The following SIM1 variants were observed in gnomAD, a reference collection of about 807,000 sequenced individuals.
SIM1 encodes SIM bHLH transcription factor 1, also known as single-minded homolog 1.
A neutral mutation model predicts 78.2 loss-of-function variants in SIM1; 18 were observed. The ratio of observed to expected loss-of-function variants is 0.23; its 90% CI spans 0.16 to 0.34. SIM1 has a LOEUF of 0.34. Among genes scored for constraint, SIM1 ranks in the 10% least tolerant of loss-of-function variants. The pLI is 1.00. For synonymous variants in SIM1, 417 were observed against 385.2 expected (o/e 1.08, Z -0.97); for missense variants, 939 against 975.1 (o/e 0.96, Z 0.49).
At chr6:100,412,555 AAAAGAAAGAAAG>A (rs761518217) in intron 10 of SIM1, among the ~76,000 whole-genome samples, 5,897 of 64,406 alleles carry the variant, frequency 0.092, 413 homozygotes, top group Middle Eastern at 0.12. Context: ...AGAAAGAAAG[AAAAGAAAGAAAG>A]AAAGAAAGAA....
At chr6:100,419,065 C>T (rs1455004345) in intron 10 of SIM1, among the ~76,000 whole-genome samples, 2 of 152,008 alleles carry the variant, frequency 1.3e-5, no homozygotes, top group African/African-American at 4.8e-5. Context: ...ACTCAGGAAG[C>T]TAAGGCAGGA....
chr6:100,447,999 T>C, intron 8 of SIM1, 147 bp downstream of exon 8: 1 of 615,440 alleles, frequency 1.6e-6, no homozygotes, highest in South Asian at 2.0e-5. Flanking sequence ...GTCGGAGAAG[T>C]CCCTCAGGAG....
chr6:100,387,144 A>G lies in SIM1; in HGVS notation c.*3217T>C, dbSNP rs2114453166. 6.6e-6 allele frequency: 1 copy of G among 152,240 alleles called. No individual in the cohort carries two copies. Among genetic ancestry groups the G allele is most frequent in the South Asian group, 2.1e-4 (1 of 4,826 alleles). The allele number at this position is 152,240 out of a possible 1,614,324, so 9.4% of individuals were successfully genotyped here. On this transcript the variant is annotated 3_prime_UTR_variant, in exon 12 of 12. Coordinates refer to ENST00000369208, the MANE Select transcript of SIM1 (RefSeq NM_005068.3). ...TCTACAAAACCATGAGCTATGTATC[A>G]TCTAATGAATTGATACATATTATAC...
At chr6:100,412,535 T>C (rs76219934) in intron 10 of SIM1, among the ~76,000 whole-genome samples, 2 of 86,386 alleles carry the variant, frequency 2.3e-5, no homozygotes, top group Non-Finnish European at 4.4e-5. Context: ...AGACTCTGTC[T>C]AAGAAAGAAA....
At chr6:100,422,039 C>T (rs961040183) in intron 9 of SIM1, among the ~76,000 whole-genome samples, 3 of 152,198 alleles carry the variant, frequency 2.0e-5, no homozygotes, top group Non-Finnish European at 2.9e-5. Context: ...ATAATCACTT[C>T]TAGCAAGTGT....
At chr6:100,406,841 G>C (rs1299258795) in intron 10 of SIM1, among the ~76,000 whole-genome samples, 1 of 152,110 alleles carries the variant, frequency 6.6e-6, no homozygotes, top group Non-Finnish European at 1.5e-5. Context: ...CATGTGGTGT[G>C]AAAACTTAAG....
rs1482664260 is a variant in SIM1 at position 100,388,589 on chromosome 6, T to C, written c.*1772A>G. 2.0e-5 allele frequency: 3 copies of C among 152,162 alleles called. No homozygotes were observed. Among genetic ancestry groups the C allele is most frequent in the Admixed American group, 6.5e-5 (1 of 15,276 alleles). 9.4% of individuals were successfully genotyped at this position (152,162 alleles called of 1,614,324 possible). ...ATTATCGTTCAGATTGTCACCTACC[T>C]ATGGACTGTGAAATAACTGTGTTAA... On this transcript the variant is annotated 3_prime_UTR_variant, in exon 12 of 12. Coordinates refer to ENST00000369208, the MANE Select transcript of SIM1 (RefSeq NM_005068.3).
At chr6:100,449,741 G>A in intron 4 of SIM1, 42 bp from the exon 5 acceptor site, 1 of 1,514,246 alleles carries the variant, frequency 6.6e-7, no homozygotes, top group Non-Finnish European at 9.1e-7. Flanking sequence ...GCGGTGGAAT[G>A]CCCGGTGAAG....
intron 10 of SIM1, among the ~76,000 whole-genome samples, chr6:100,412,404 G>C (rs1054138197): frequency 7.9e-5 from 12 of 151,456 alleles, no homozygotes; most frequent in African/African-American, 2.9e-4. Context: ...AGCCGTGGTG[G>C]TGGGCGCCTG....
chr6:100,422,938 G>A (rs1481549237), intron 9 of SIM1, among the ~76,000 whole-genome samples: 2 of 152,170 alleles, frequency 1.3e-5, no homozygotes, highest in Non-Finnish European at 2.9e-5. Flanking sequence ...GGGCAATGAT[G>A]TATATCAGCA....
At chr6:100,430,902 A>G (rs1433388498) in intron 9 of SIM1, among the ~76,000 whole-genome samples, 1 of 152,168 alleles carries the variant, frequency 6.6e-6, no homozygotes, top group Non-Finnish European at 1.5e-5. Context: ...CCAGGAACAA[A>G]AAAAATACCT....
chr6:100,409,968 C>G (rs967855213), intron 10 of SIM1, among the ~76,000 whole-genome samples: 2 of 152,164 alleles, frequency 1.3e-5, no homozygotes, highest in African/African-American at 2.4e-5. Flanking sequence ...GGAAAATGTT[C>G]CGCATGAGCT....
chr6:100,403,927 A>C (rs544538786), intron 10 of SIM1, among the ~76,000 whole-genome samples: 3 of 152,344 alleles, frequency 2.0e-5, no homozygotes, highest in African/African-American at 7.2e-5. Flanking sequence ...ATGATTATGA[A>C]GTTTAAGAGG....
chr6:100,456,789 A>G (rs772409658), intron 2 of SIM1, among the ~76,000 whole-genome samples: 2 of 152,184 alleles, frequency 1.3e-5, no homozygotes, highest in African/African-American at 4.8e-5. Context: ...AAACTCAGGC[A>G]AGTTTCACTG....
At chr6:100,409,512 T>C (rs1250647986) in intron 10 of SIM1, among the ~76,000 whole-genome samples, 1 of 152,128 alleles carries the variant, frequency 6.6e-6, no homozygotes, top group Non-Finnish European at 1.5e-5. Context: ...TTATCTTTTC[T>C]ATTGTTTTCC....
At position 100,388,551 on chromosome 6, in the gene SIM1, A is replaced by T. The variant is rs1176126045; in HGVS notation, c.*1810T>A. The stretch of plus-strand genomic sequence containing the variant: ...TCCTTTCATATACAAACAACCCAGT[A>T]CTCATCTTTCATATTATCGTTCAGA... On this transcript the variant is annotated 3_prime_UTR_variant, in exon 12 of 12. Coordinates refer to ENST00000369208, the MANE Select transcript of SIM1 (RefSeq NM_005068.3). The T allele has an allele frequency of 6.6e-6, 1 of 152,162 alleles. No homozygotes were observed. The highest frequency in any genetic ancestry group is 1.5e-5 in the Non-Finnish European group (1 of 68,026). The allele number at this position is 152,162 out of a possible 1,614,324, so 9.4% of individuals were successfully genotyped here. A position where few individuals can be genotyped will look rare whatever the true frequency, so the allele number is the denominator to read the frequency against.
intron 9 of SIM1, chr6:100,437,621 A>C (rs1028405109): frequency 6.6e-6 from 1 of 152,184 alleles, no homozygotes; most frequent in Non-Finnish European, 1.5e-5. Context: ...TGAACTTGTT[A>C]ATTATATATC....
intron 9 of SIM1, among the ~76,000 whole-genome samples, chr6:100,440,195 C>G (rs910483418): frequency 6.6e-6 from 1 of 152,142 alleles, no homozygotes; most frequent in Non-Finnish European, 1.5e-5. Flanking sequence ...ATTTAATCCT[C>G]CATAAATCCC....
rs759470111 is a variant in SIM1 at position 100,390,803 on chromosome 6, T to C, written c.1859A>G (p.His620Arg). ...TGAAGTGTTGGCAAGAGCAGAGCCATGGCAGACTTCACCTGTTGGTGGGGG... is the reference window on the plus strand; with the variant it reads ...TGAAGTGTTGGCAAGAGCAGAGCCACGGCAGACTTCACCTGTTGGTGGGGG... ...QQPPPTGEVCHGSALANTSPC... is the reference protein window; with the variant it reads ...QQPPPTGEVCRGSALANTSPC... Residue 620 changes from histidine to arginine, a missense_variant, in exon 12 of 12, where the codon CAT becomes CGT. Transcript: ENST00000369208. 7 of 1,614,186 alleles carry C rather than the reference T, an allele frequency of 4.3e-6. No individual in the cohort carries two copies. Among genetic ancestry groups the C allele is most frequent in the Admixed American group, 3.3e-5 (2 of 60,022 alleles).
Sources: gnomAD v4.1 joint callset for allele counts (sites outside exome capture counted in the v4.1 genomes callset) on GRCh38, gnomAD v4.1.1 for gene constraint, MANE v1.5 for transcripts, NCBI Gene and HGNC (gene_info 2026-07-23, HGNC 2026-07-21) for gene names.